BAG4: variants seen among roughly 807,000 people sequenced by gnomAD.
BAG4 encodes the protein BAG family molecular chaperone regulator 4.
In BAG4, 28 loss-of-function variants were observed where a neutral mutation model predicts 52.1. The ratio of observed to expected loss-of-function variants is 0.54; its 90% CI spans 0.40 to 0.74. The LOEUF is 0.74. Among genes scored for constraint, BAG4 ranks in the 30% least tolerant of loss-of-function variants. BAG4 has a pLI of 0.00. For synonymous variants in BAG4, 208 were observed against 217.0 expected (o/e 0.96, Z 0.37); for missense variants, 525 against 572.0 (o/e 0.92, Z 0.84).
chr8:38,188,346 G>A (rs2130669007), intron 1 of BAG4, among the ~76,000 whole-genome samples: 1 of 150,964 alleles, frequency 6.6e-6, no homozygotes, highest in East Asian at 1.9e-4. Flanking sequence ...GGTGTCTAAA[G>A]GTGGCACACT....
In BAG4 at chr8:38,210,404, G is replaced by A. The variant is rs745504870; in HGVS notation, c.1285G>A (p.Gly429Arg). The change falls in exon 5 of 5, where the codon GGG becomes AGG. Residue 429 changes from glycine to arginine, a missense_variant. Transcript: ENST00000287322. Reference protein sequence around the residue: ...ELLELDSVETGGQDSVRQARK... With the variant: ...ELLELDSVETRGQDSVRQARK... Reference sequence around the variant, plus strand: ...TTTGGAACTGGATTCAGTTGAAACTGGGGGCCAGGACTCTGTACGGCAGGC... The same window carrying A: ...TTTGGAACTGGATTCAGTTGAAACTAGGGGCCAGGACTCTGTACGGCAGGC... 4 of 1,614,154 alleles carry A rather than the reference G, an allele frequency of 2.5e-6. No homozygotes were observed. The highest frequency in any genetic ancestry group is 3.4e-6 in the Non-Finnish European group (4 of 1,180,020).
chr8:38,210,490 A>G lies in BAG4; in HGVS notation c.1371A>G (p.Leu457=), dbSNP rs1442169204. The part of the protein sequence containing the change: ...AILEKLEKKG[L] ...TGGAAAAATTAGAAAAAAAAGGATTATGAAAGGATTTAGAACAAAGTGGAA... is the reference window on the plus strand; with the variant it reads ...TGGAAAAATTAGAAAAAAAAGGATTGTGAAAGGATTTAGAACAAAGTGGAA... The change falls in exon 5 of 5, where the codon TTA becomes TTG. Residue 457 remains leucine, a synonymous_variant. Coordinates refer to ENST00000287322, the MANE Select transcript of BAG4 (RefSeq NM_004874.4). 1 of 1,569,316 alleles carries G rather than the reference A, an allele frequency of 6.4e-7. No homozygotes were observed. Among genetic ancestry groups the G allele is most frequent in the Non-Finnish European group, 8.6e-7 (1 of 1,165,346 alleles).
chr8:38,189,223 A>G (rs892227023), intron 1 of BAG4, among the ~76,000 whole-genome samples: 4 of 151,788 alleles, frequency 2.6e-5, no homozygotes, highest in African/African-American at 9.7e-5. Context: ...GGGATTACAG[A>G]CGTAAGCCAC....
chr8:38,200,662 G>A (rs1477867169), intron 2 of BAG4, among the ~76,000 whole-genome samples: 1 of 151,666 alleles, frequency 6.6e-6, no homozygotes, highest in East Asian at 1.9e-4. Context: ...GCAATGGCAC[G>A]ATCTTGGCTC....
intron 2 of BAG4, among the ~76,000 whole-genome samples, chr8:38,202,466 C>T (rs1023887920): frequency 2.6e-5 from 4 of 151,892 alleles, no homozygotes; most frequent in Non-Finnish European, 5.9e-5. Flanking sequence ...GGGTTGCCCC[C>T]GCTTATCTTA....
At chr8:38,191,746 G>A (rs1415050382) in intron 1 of BAG4, among the ~76,000 whole-genome samples, 1 of 130,094 alleles carries the variant, frequency 7.7e-6, no homozygotes, top group Non-Finnish European at 1.6e-5. Context: ...GGCAACAAGA[G>A]CGAAACTCTG....
At chr8:38,178,328 T>C (rs1256950705) in intron 1 of BAG4, among the ~76,000 whole-genome samples, 1 of 152,212 alleles carries the variant, frequency 6.6e-6, no homozygotes. Context: ...CTAATTTTTG[T>C]ATTTTTAGTA....
intron 1 of BAG4, 25 bp from the exon 2 acceptor site, chr8:38,192,663 G>A (rs769736168): frequency 4.6e-6 from 7 of 1,534,498 alleles, no homozygotes; most frequent in Admixed American, 1.8e-5. Context: ...TATTAAGAGT[G>A]AATTTATTTT....
chr8:38,195,257 C>G (rs553053231), intron 2 of BAG4, among the ~76,000 whole-genome samples: 44 of 152,168 alleles, frequency 2.9e-4, no homozygotes, highest in African/African-American at 9.9e-4. Context: ...TTCAAGTGAT[C>G]TTCCCACTTC....
In BAG4 at chr8:38,212,643, A is replaced by G. The variant is rs749600246; in HGVS notation, c.*2150A>G. ...TACGTCCTGTCTTCCAGTCTGTGAC[A>G]GTGTATCATAACAGGGGATACCTGA... On this transcript the variant is annotated 3_prime_UTR_variant, in exon 5 of 5. Coordinates refer to ENST00000287322, the MANE Select transcript of BAG4 (RefSeq NM_004874.4). 4 of 152,208 alleles carry G rather than the reference A, an allele frequency of 2.6e-5. No homozygotes were observed. Among genetic ancestry groups the G allele is most frequent in the Non-Finnish European group, 5.9e-5 (4 of 68,036 alleles). 9.4% of individuals were successfully genotyped at this position (152,208 alleles called of 1,614,324 possible). A position where few individuals can be genotyped will look rare whatever the true frequency, so the allele number is the denominator to read the frequency against.
At chr8:38,207,243 GTGCCTGGCAA>G (rs1803785342) in intron 2 of BAG4, among the ~76,000 whole-genome samples, 1 of 152,076 alleles carries the variant, frequency 6.6e-6, no homozygotes, top group South Asian at 2.1e-4. Context: ...TTGAGCCACT[GTGCCTGGCAA>G]TGCCTGGCTA....
At chr8:38,205,172 T>A (rs561833216) in intron 2 of BAG4, among the ~76,000 whole-genome samples, 1 of 151,022 alleles carries the variant, frequency 6.6e-6, no homozygotes, top group East Asian at 1.9e-4. Flanking sequence ...CTAAGGACTA[T>A]AGCTGTGCCA....
chr8:38,207,586 C>T lies in BAG4; in HGVS notation c.453C>T (p.Tyr151=). The change falls in exon 3 of 5, where the codon TAC becomes TAT. Residue 151 remains tyrosine, a synonymous_variant. Coordinates refer to ENST00000287322, the MANE Select transcript of BAG4 (RefSeq NM_004874.4). ...GCCCTGGGGCAAATACTGCCTCATA[C>T]TCAGGGGCTTATTATGCACCTGGTT... The part of the protein sequence containing the change: ...PPGPGANTAS[Y]SGAYYAPGYT... 9 of 1,613,854 alleles carry T rather than the reference C, an allele frequency of 5.6e-6. No individual in the cohort carries two copies. The highest frequency in any genetic ancestry group is 7.6e-6 in the Non-Finnish European group (9 of 1,179,764).
chr8:38,192,737 C>A lies in BAG4; in HGVS notation c.320C>A (p.Ala107Glu). ...SYNSNYWNST[A>E]RSRAPYPSTY... ...AATTCTAACTATTGGAATTCTACTG[C>A]GAGATCTAGGGCTCCTTACCCAAGT... The change falls in exon 2 of 5, where the codon GCG (alanine) becomes GAG (glutamate). Residue 107 changes from alanine to glutamate, a missense_variant. By Grantham distance (107) the Ala-to-Glu change is moderately radical. This residue lies in a region of BAG4 where 287 missense variants were observed against 266.1 expected (regional missense o/e 1.08). Coordinates refer to ENST00000287322, the MANE Select transcript of BAG4 (RefSeq NM_004874.4). 1.9e-6 allele frequency: 3 copies of A among 1,613,466 alleles called. No homozygotes were observed. Among genetic ancestry groups the A allele is most frequent in the Non-Finnish European group, 2.5e-6 (3 of 1,179,778 alleles).
chr8:38,208,526 T>C (rs1373825785), intron 3 of BAG4, among the ~76,000 whole-genome samples: 1 of 151,060 alleles, frequency 6.6e-6, no homozygotes, highest in East Asian at 1.9e-4. Context: ...TTAGCCAGGA[T>C]GGTCTCGATC....
chr8:38,190,195 A>G (rs572909436), intron 1 of BAG4, among the ~76,000 whole-genome samples: 28 of 152,308 alleles, frequency 1.8e-4, no homozygotes, highest in African/African-American at 5.5e-4. Context: ...TGTCCTCGTG[A>G]CAATATCGGT....
chr8:38,201,007 A>T (rs1803654186), intron 2 of BAG4, among the ~76,000 whole-genome samples: 1 of 152,242 alleles, frequency 6.6e-6, no homozygotes, highest in South Asian at 2.1e-4. Context: ...CATGAATTAT[A>T]AGTTAATGTT....
intron 1 of BAG4, among the ~76,000 whole-genome samples, chr8:38,180,720 C>G (rs954065610): frequency 6.6e-6 from 1 of 151,818 alleles, no homozygotes; most frequent in Non-Finnish European, 1.5e-5. Flanking sequence ...CTAGAAGCCT[C>G]GGTGTCACTT....
In BAG4 at chr8:38,179,766, C is replaced by CA. The variant is rs397955412; in HGVS notation, c.270+2638dup. Among the ~76,000 whole-genome samples the CA allele has an allele frequency of 4.6e-3, 648 of 141,028 alleles. 4 individuals carry two copies. The highest frequency in any genetic ancestry group is 0.011 in the Middle Eastern group (3 of 278). 92.5% of individuals were successfully genotyped at this position (141,028 alleles called of 152,430 possible). ...GGGAGACAAGAGCGAAACTCCATCT[C>CA]AAAAAAAAAAATAAAGAAAGAAAGA... On this transcript the variant is annotated intron_variant, in intron 1 of 4. Coordinates refer to ENST00000287322, the MANE Select transcript of BAG4 (RefSeq NM_004874.4).
Sources: gnomAD v4.1 joint callset for allele counts (sites outside exome capture counted in the v4.1 genomes callset) on GRCh38, gnomAD v4.1.1 for gene constraint, gnomAD v4.1.1 regional missense constraint, MANE v1.5 for transcripts, NCBI Gene and HGNC (gene_info 2026-07-23, HGNC 2026-07-21) for gene names.